The following NOL4 variants were observed in gnomAD, a reference collection of about 807,000 sequenced individuals.
NOL4 encodes cancer/testis antigen 125.
Under a neutral mutation model 75.9 loss-of-function variants are expected in NOL4, and 17 were observed. That is an observed-to-expected ratio of 0.22 (90% CI 0.15 to 0.34). The LOEUF (loss-of-function observed/expected upper bound fraction) is 0.34, where lower values mean the gene tolerates loss of function less well. Among genes scored for constraint, NOL4 ranks in the 10% least tolerant of loss-of-function variants. The pLI is 1.00. For missense variants in NOL4, 614 were observed against 793.5 expected, an observed-to-expected ratio of 0.77 and a Z score of 2.72; for synonymous variants, 292 against 289.9, an observed-to-expected ratio of 1.01 and a Z score of -0.07.
rs111636169 is a variant in NOL4 at position 34,075,399 on chromosome 18, C to T, written c.772+18066G>A. 3.6e-4 allele frequency among the ~76,000 whole-genome samples: 55 copies of T among 152,214 alleles called. No homozygotes were observed. The South Asian group carries it at 5.6e-3, about 16-fold the overall frequency. On this transcript the variant is annotated intron_variant, in intron 5 of 10. Transcript: ENST00000261592. The stretch of plus-strand genomic sequence containing the variant: ...AGTGTGCAGAAAATATATATTGCCA[C>T]TGAATAGAGCCAAGGGTCTTTTTTC...
At chr18:34,048,509 T>A in intron 5 of NOL4, 1 of 985,462 alleles carries the variant, frequency 1.0e-6, no homozygotes, top group Non-Finnish European at 1.2e-6. Context: ...AGATCCAGCA[T>A]CCCTCAGGCG....
intron 5 of NOL4, among the ~76,000 whole-genome samples, chr18:34,059,246 A>T (rs2076971327): frequency 6.6e-6 from 1 of 151,098 alleles, no homozygotes; most frequent in South Asian, 2.1e-4. Context: ...ATTTTATAAA[A>T]TACCCCCGAT....
chr18:33,999,932 G>A (rs2073576363), intron 6 of NOL4, among the ~76,000 whole-genome samples: 1 of 152,076 alleles, frequency 6.6e-6, no homozygotes, highest in Non-Finnish European at 1.5e-5. Context: ...GATTACAGGT[G>A]TGAGCCACCA....
intron 1 of NOL4, among the ~76,000 whole-genome samples, chr18:34,216,400 A>G (rs1600905686): frequency 6.6e-6 from 1 of 152,130 alleles, no homozygotes; most frequent in Admixed American, 6.5e-5. Flanking sequence ...TCAATTGTAT[A>G]TAAAATTCAA....
chr18:34,032,772 C>T (rs2075703751), intron 5 of NOL4, among the ~76,000 whole-genome samples: 1 of 152,126 alleles, frequency 6.6e-6, no homozygotes, highest in Non-Finnish European at 1.5e-5. Flanking sequence ...CCTGAACCAA[C>T]AAACACCAGG....
intron 9 of NOL4, among the ~76,000 whole-genome samples, chr18:33,907,250 G>A (rs1471741086): frequency 1.3e-5 from 2 of 151,034 alleles, no homozygotes; most frequent in Non-Finnish European, 2.9e-5. Flanking sequence ...ATGAACCTGG[G>A]AGGTGGAGCT....
chr18:33,996,776 T>C (rs1482249012), intron 6 of NOL4, among the ~76,000 whole-genome samples: 2 of 151,950 alleles, frequency 1.3e-5, no homozygotes, highest in Non-Finnish European at 2.9e-5. Flanking sequence ...TTCCATGGCA[T>C]GTATGTACAA....
chr18:34,026,758 GT>G (rs1156992653), intron 5 of NOL4, among the ~76,000 whole-genome samples: 1 of 151,984 alleles, frequency 6.6e-6, no homozygotes, highest in Non-Finnish European at 1.5e-5. Flanking sequence ...TCCCTTTACT[GT>G]TTCTCTCTCT....
chr18:34,110,523 GA>G (rs1381889201), intron 2 of NOL4, among the ~76,000 whole-genome samples: 1 of 152,040 alleles, frequency 6.6e-6, no homozygotes, highest in Non-Finnish European at 1.5e-5. Flanking sequence ...ATGTATAGAA[GA>G]AATGTACCTC....
intron 5 of NOL4, among the ~76,000 whole-genome samples, chr18:34,073,859 T>C (rs966765040): frequency 2.0e-5 from 3 of 152,000 alleles, no homozygotes; most frequent in Non-Finnish European, 2.9e-5. Context: ...GGCATAGTCA[T>C]CTATGGACAA....
intron 10 of NOL4, among the ~76,000 whole-genome samples, chr18:33,863,256 C>G (rs576928126): frequency 2.0e-4 from 31 of 151,954 alleles, no homozygotes; most frequent in African/African-American, 7.2e-4. Flanking sequence ...TAACATCACA[C>G]TCTGGGGACT....
chr18:34,049,935 C>T (rs529978669), intron 5 of NOL4, among the ~76,000 whole-genome samples: 10 of 152,148 alleles, frequency 6.6e-5, no homozygotes, highest in South Asian at 2.1e-4. Context: ...CACCCTAATG[C>T]GTTTGAAAAG....
intron 5 of NOL4, among the ~76,000 whole-genome samples, chr18:34,037,102 A>G (rs2075940774): frequency 6.6e-6 from 1 of 152,168 alleles, no homozygotes; most frequent in African/African-American, 2.4e-5. Flanking sequence ...ATGAACATAG[A>G]AAAAATCAGT....
intron 9 of NOL4, among the ~76,000 whole-genome samples, chr18:33,937,124 A>G (rs1349640258): frequency 6.6e-6 from 1 of 152,032 alleles, no homozygotes; most frequent in Non-Finnish European, 1.5e-5. Flanking sequence ...ATTTTATGTT[A>G]AATCTAGAAA....
At chr18:33,930,348 G>A (rs115545664) in intron 9 of NOL4, among the ~76,000 whole-genome samples, 2 of 151,998 alleles carry the variant, frequency 1.3e-5, no homozygotes, top group Admixed American at 6.6e-5. Context: ...ACTAATAAAG[G>A]TAAGATGGTA....
At chr18:33,934,498 T>A (rs2067923809) in intron 9 of NOL4, among the ~76,000 whole-genome samples, 1 of 152,164 alleles carries the variant, frequency 6.6e-6, no homozygotes, top group South Asian at 2.1e-4. Flanking sequence ...ACATTATAAA[T>A]CTTTATTGTT....
intron 5 of NOL4, among the ~76,000 whole-genome samples, chr18:34,048,780 T>C (rs1226352948): frequency 1.3e-5 from 2 of 152,080 alleles, no homozygotes; most frequent in Admixed American, 1.3e-4. Context: ...GACTGGGTTG[T>C]TGATTATCTG....
At chr18:33,934,851 T>A (rs560686197) in intron 9 of NOL4, among the ~76,000 whole-genome samples, 107 of 149,972 alleles carry the variant, frequency 7.1e-4, no homozygotes, top group African/African-American at 2.6e-3. Flanking sequence ...TTGTGTTCAC[T>A]GGAGTAGCAC....
At chr18:33,883,983 T>A (rs754271920) in intron 9 of NOL4, among the ~76,000 whole-genome samples, 6 of 152,036 alleles carry the variant, frequency 3.9e-5, no homozygotes, top group Non-Finnish European at 8.8e-5. Flanking sequence ...TCTAAAGGTA[T>A]AGGGTTTCCG....
Sources: allele counts gnomAD v4.1 joint callset (sites outside exome capture counted in the v4.1 genomes callset), GRCh38; gene constraint gnomAD v4.1.1; transcripts MANE v1.5; gene names NCBI Gene and HGNC (gene_info 2026-07-23, HGNC 2026-07-21).